SLC2A13: variants seen among roughly 807,000 people sequenced by gnomAD.
The protein encoded by SLC2A13 is solute carrier family 2 member 13.
A neutral mutation model predicts 64.4 loss-of-function variants in SLC2A13; 32 were observed. The ratio of observed to expected loss-of-function variants is 0.50; its 90% CI spans 0.37 to 0.67. The LOEUF (loss-of-function observed/expected upper bound fraction) is 0.67. Among genes scored for constraint, SLC2A13 ranks in the 30% least tolerant of loss-of-function variants. SLC2A13 has a pLI of 0.00. For missense variants in SLC2A13, 743 were observed against 829.2 expected, an observed-to-expected ratio of 0.90 and a Z score of 1.28; for synonymous variants, 338 against 327.1, an observed-to-expected ratio of 1.03 and a Z score of -0.36.
At chr12:39,866,486 A>C (rs1378809545) in intron 5 of SLC2A13, among the ~76,000 whole-genome samples, 2 of 147,812 alleles carry the variant, frequency 1.4e-5, no homozygotes, top group Non-Finnish European at 3.0e-5. Context: ...TATTTGAAAG[A>C]TTTTTTTTTT....
At chr12:39,960,538 C>A (rs950568963) in intron 3 of SLC2A13, among the ~76,000 whole-genome samples, 4 of 152,004 alleles carry the variant, frequency 2.6e-5, no homozygotes, top group Admixed American at 2.0e-4. Flanking sequence ...CATGACCATG[C>A]CTGGCTAATT....
chr12:39,844,331 A>G (rs532742570), intron 6 of SLC2A13, among the ~76,000 whole-genome samples: 1 of 152,198 alleles, frequency 6.6e-6, no homozygotes, highest in Non-Finnish European at 1.5e-5. Flanking sequence ...CTATGGAGTC[A>G]AAGTTTAATG....
chr12:40,005,924 C>T (rs1947409231), intron 3 of SLC2A13, among the ~76,000 whole-genome samples: 1 of 152,164 alleles, frequency 6.6e-6, no homozygotes, highest in Non-Finnish European at 1.5e-5. Context: ...AAGGCCCTAC[C>T]TCAGAGAATC....
intron 4 of SLC2A13, among the ~76,000 whole-genome samples, chr12:39,924,796 T>C (rs1312618804): frequency 6.6e-6 from 1 of 152,170 alleles, no homozygotes. Flanking sequence ...CTTGACCTTT[T>C]GTGTTTTGCA....
At chr12:39,894,002 AG>A (rs1231315797) in intron 4 of SLC2A13, among the ~76,000 whole-genome samples, 1 of 152,252 alleles carries the variant, frequency 6.6e-6, no homozygotes, top group East Asian at 1.9e-4. Flanking sequence ...TATGTCAAAA[AG>A]CTAGACAATA....
intron 4 of SLC2A13, among the ~76,000 whole-genome samples, chr12:39,880,674 C>A (rs1944316942): frequency 6.6e-6 from 1 of 151,980 alleles, no homozygotes; most frequent in Admixed American, 6.6e-5. Context: ...GAAAATGTGC[C>A]AATGGAACTT....
At position 39,845,004 on chromosome 12, in the gene SLC2A13, C is replaced by CA. The variant is rs538090774; in HGVS notation, c.1320-14777_1320-14776insT. ...AAAATAAAAAGAAAAATTAAAGTGA[C>CA]CACTTGATAAAGTTAAAAATAATTT... On this transcript the variant is annotated intron_variant, in intron 6 of 9. Transcript: ENST00000280871. Among the ~76,000 whole-genome samples, 942 of 151,816 alleles carry CA rather than the reference C, an allele frequency of 6.2e-3. 11 individuals carry two copies. The highest frequency in any genetic ancestry group is 0.021 in the African/African-American group (891 of 41,444).
chr12:39,941,581 G>A (rs1946027041), intron 4 of SLC2A13, among the ~76,000 whole-genome samples: 1 of 152,102 alleles, frequency 6.6e-6, no homozygotes, highest in Non-Finnish European at 1.5e-5. Context: ...GTTGAGAATT[G>A]TCTATTCATG....
intron 1 of SLC2A13, among the ~76,000 whole-genome samples, chr12:40,073,799 G>A (rs994332814): frequency 6.6e-6 from 1 of 151,642 alleles, no homozygotes; most frequent in Non-Finnish European, 1.5e-5. Context: ...TTATGATCTG[G>A]CTTATTTCAG....
intron 3 of SLC2A13, among the ~76,000 whole-genome samples, chr12:39,967,330 T>G (rs760514070): frequency 7.9e-5 from 12 of 152,198 alleles, no homozygotes; most frequent in Non-Finnish European, 2.9e-5. Flanking sequence ...GATGACTTAT[T>G]TATGCTGTAT....
chr12:39,764,928 A>G, intron 7 of SLC2A13, 70 bp from the exon 8 acceptor site: 6 of 1,517,058 alleles, frequency 4.0e-6, no homozygotes, highest in Non-Finnish European at 5.4e-6. Flanking sequence ...CAATATGATC[A>G]TATTTATGTA....
At chr12:39,885,685 C>G (rs999599817) in intron 4 of SLC2A13, among the ~76,000 whole-genome samples, 1 of 152,176 alleles carries the variant, frequency 6.6e-6, no homozygotes, top group Non-Finnish European at 1.5e-5. Context: ...TTCTCTTCTA[C>G]CTCGTGAATC....
At chr12:40,017,976 T>TAAAAA (rs5797648) in intron 3 of SLC2A13, among the ~76,000 whole-genome samples, 8 of 128,474 alleles carry the variant, frequency 6.2e-5, no homozygotes, top group African/African-American at 8.8e-5. Flanking sequence ...TGCACATATT[T>TAAAAA]AAAAAAAAAA....
chr12:40,048,350 G>A (rs771364900), intron 1 of SLC2A13, 140 bp from the exon 2 acceptor site: 64 of 772,954 alleles, frequency 8.3e-5, no homozygotes, highest in Non-Finnish European at 1.1e-4. Flanking sequence ...ACATATTTAA[G>A]ATTTTGTTCA....
intron 6 of SLC2A13, among the ~76,000 whole-genome samples, chr12:39,846,115 C>G (rs867807298): frequency 7.4e-4 from 112 of 152,188 alleles, no homozygotes; most frequent in African/African-American, 2.5e-3. Context: ...AAAATAAAAT[C>G]AACAATTCAT....
intron 1 of SLC2A13, among the ~76,000 whole-genome samples, chr12:40,054,888 G>C (rs1315905104): frequency 6.6e-6 from 1 of 152,168 alleles, no homozygotes; most frequent in African/African-American, 2.4e-5. Context: ...CTTCTTAGTA[G>C]CACATGAAGC....
intron 7 of SLC2A13, among the ~76,000 whole-genome samples, chr12:39,789,229 T>C (rs767916086): frequency 6.6e-6 from 1 of 152,046 alleles, no homozygotes; most frequent in African/African-American, 2.4e-5. Flanking sequence ...TTTTTCTGTA[T>C]AGGATATTTT....
intron 1 of SLC2A13, among the ~76,000 whole-genome samples, chr12:40,087,225 A>C (rs1157531791): frequency 1.3e-5 from 2 of 152,302 alleles, no homozygotes; most frequent in Non-Finnish European, 2.9e-5. Context: ...TGGCTTTCCA[A>C]AGGCCCCTGA....
intron 4 of SLC2A13, among the ~76,000 whole-genome samples, chr12:39,936,242 T>C (rs1174937919): frequency 1.3e-5 from 2 of 152,166 alleles, no homozygotes; most frequent in African/African-American, 2.4e-5. Context: ...CAGGCTAGGG[T>C]AGGTTCACTT....
Sources: allele counts gnomAD v4.1 joint callset (sites outside exome capture counted in the v4.1 genomes callset), GRCh38; gene constraint gnomAD v4.1.1; transcripts MANE v1.5; gene names NCBI Gene and HGNC (gene_info 2026-07-23, HGNC 2026-07-21).